LRRC27: variants seen among roughly 807,000 people sequenced by gnomAD.
LRRC27 encodes the protein leucine rich repeat containing 27.
In LRRC27, 57 loss-of-function variants were observed where a neutral mutation model predicts 55.0. The ratio of observed to expected loss-of-function variants is 1.04; its 90% CI spans 0.84 to 1.29. The LOEUF is 1.29. LRRC27 is among the 50% of genes most tolerant of loss of function. The probability of loss-of-function intolerance (pLI) is 0.00; values close to 1 mark genes in which losing one functional copy is unlikely to be tolerated. For missense variants in LRRC27, 721 were observed against 651.5 expected (o/e 1.11, Z -1.16); for synonymous variants, 278 against 251.9 (o/e 1.10, Z -0.98).
intron 3 of LRRC27, among the ~76,000 whole-genome samples, chr10:132,338,715 T>C (rs555807961): frequency 1.3e-5 from 2 of 150,148 alleles, no homozygotes; most frequent in Admixed American, 1.3e-4. Context: ...TCTTTCTTTT[T>C]TTTTTTTTTT....
intron 9 of LRRC27, 47 bp from the exon 10 acceptor site, chr10:132,365,375 TGA>T: frequency 6.2e-7 from 1 of 1,607,058 alleles, no homozygotes; most frequent in Non-Finnish European, 8.5e-7. Context: ...GTTGCTAGGA[TGA>T]GAGTAAATGT....
rs2067587238 is a variant in LRRC27 at position 132,344,616 on chromosome 10, AG to A, written c.520del (p.Glu174AsnfsTer19). ...IQRFLRMWAV[E>X]HSLPRNPTSQ... ...AGCGCTTCCTGCGGATGTGGGCAGT[AG>A]AACACTCTCTCCCCAGAAATCCAAC... On this transcript the variant is annotated frameshift_variant, in exon 5 of 11. Coordinates refer to ENST00000368614, the MANE Select transcript of LRRC27 (RefSeq NM_030626.3). LOFTEE classifies it high-confidence loss of function. 6.2e-7 allele frequency: 1 copy of A among 1,614,054 alleles called. No homozygotes were observed. The highest frequency in any genetic ancestry group is 1.7e-5 in the Admixed American group (1 of 60,004).
intron 7 of LRRC27, among the ~76,000 whole-genome samples, chr10:132,354,325 C>T (rs1208502268): frequency 6.6e-6 from 1 of 152,218 alleles, no homozygotes; most frequent in Non-Finnish European, 1.5e-5. Context: ...TCTGAGGGCC[C>T]AGACCCGGCA....
chr10:132,338,299 G>C (rs749761683), intron 3 of LRRC27, among the ~76,000 whole-genome samples: 1 of 152,172 alleles, frequency 6.6e-6, no homozygotes, highest in Non-Finnish European at 1.5e-5. Context: ...CTGGGTGACA[G>C]AGTAAGAGTC....
Position 132,351,782 on chromosome 10 carries a change from C to G in LRRC27, c.1073+29C>G, listed in dbSNP as rs763414403. The stretch of plus-strand genomic sequence containing the variant: ...AGTCCACACAGGGTGGGGGTCCGCA[C>G]AGCCCGCCCAGTGCACCCGGAACTG... On this transcript the variant is annotated intron_variant, in intron 7 of 10. Transcript: ENST00000368614. 16 of 1,584,392 alleles carry G rather than the reference C, an allele frequency of 1.0e-5. No homozygotes were observed. The South Asian group carries it at 1.3e-4, about 13-fold the overall frequency.
intron 2 of LRRC27, among the ~76,000 whole-genome samples, chr10:132,335,796 CA>C (rs1282410355): frequency 1.3e-5 from 2 of 152,172 alleles, no homozygotes; most frequent in Non-Finnish European, 2.9e-5. Flanking sequence ...CCAGTCAGCT[CA>C]GGGGCTCTTC....
chr10:132,366,793 A>C, intron 10 of LRRC27: 2 of 1,185,568 alleles, frequency 1.7e-6, no homozygotes, highest in Non-Finnish European at 2.2e-6. Flanking sequence ...CTGTCCCCAC[A>C]CCCCATCTGC....
Position 132,354,448 on chromosome 10 carries a change from C to T in LRRC27, c.1074-1342C>T, listed in dbSNP as rs540185701. On this transcript the variant is annotated intron_variant, in intron 7 of 10. Transcript: ENST00000368614. ...TCGTCCAGGAGCGCAGCGGGGCCAG[C>T]ACCACACATGGTGCTAAGTGGGGAC... Among the ~76,000 whole-genome samples the T allele has an allele frequency of 7.2e-5, 11 of 152,318 alleles. No individual in the cohort carries two copies. The South Asian group carries it at 2.3e-3, about 32-fold the overall frequency.
intron 9 of LRRC27, among the ~76,000 whole-genome samples, chr10:132,363,716 C>G (rs1164075419): frequency 1.3e-5 from 2 of 152,130 alleles, no homozygotes; most frequent in Admixed American, 6.5e-5. Flanking sequence ...AGGGCCTGGC[C>G]CCGGCCCTGC....
chr10:132,338,213 G>C (rs2138629055), intron 3 of LRRC27, among the ~76,000 whole-genome samples: 2 of 152,266 alleles, frequency 1.3e-5, no homozygotes, highest in South Asian at 4.1e-4. Context: ...CTCCTCAGGA[G>C]GTTGAGGCAG....
chr10:132,353,106 A>G, intron 7 of LRRC27: 1 of 1,491,342 alleles, frequency 6.7e-7, no homozygotes, highest in Non-Finnish European at 8.9e-7. Context: ...CCACAGCCAC[A>G]GCACCCCCGT....
intron 7 of LRRC27, among the ~76,000 whole-genome samples, chr10:132,355,445 A>G (rs2068261551): frequency 6.6e-6 from 1 of 152,086 alleles, no homozygotes; most frequent in African/African-American, 2.4e-5. Context: ...GGCACCCCCA[A>G]CCCGTCGTGC....
intron 1 of LRRC27, 85 bp downstream of exon 1, chr10:132,332,341 GT>G (rs2066817482): frequency 6.6e-6 from 1 of 152,598 alleles, no homozygotes; most frequent in Admixed American, 6.5e-5. Context: ...GTCGTGCCCT[GT>G]CGCCTAGCTC....
chr10:132,330,636 C>T (rs2066651186), upstream of LRRC27, among the ~76,000 whole-genome samples: 1 of 151,156 alleles, frequency 6.6e-6, no homozygotes, highest in Non-Finnish European at 1.5e-5. Flanking sequence ...CCCTCCCACA[C>T]AGCTGGAACT....
chr10:132,363,198 G>T lies in LRRC27; in HGVS notation c.1289+1623G>T, dbSNP rs1405472658. 1.1e-4 allele frequency among the ~76,000 whole-genome samples: 14 copies of T among 132,004 alleles called. 1 individual carries two copies. Among genetic ancestry groups the T allele is most frequent in the Admixed American group, 6.6e-4 (9 of 13,666 alleles). 86.6% of individuals were successfully genotyped at this position (132,004 alleles called of 152,430 possible). A position where few individuals can be genotyped will look rare whatever the true frequency, so the allele number is the denominator to read the frequency against. On this transcript the variant is annotated intron_variant, in intron 9 of 10. Coordinates refer to ENST00000368614, the MANE Select transcript of LRRC27 (RefSeq NM_030626.3). ...CCCTCTCACCTCACAGCTGCTCGGG[G>T]GTCCGGGGTTCACCCCTCTTACCTC...
At chr10:132,364,929 CCT>C (rs1456547593) in intron 9 of LRRC27, among the ~76,000 whole-genome samples, 1 of 145,034 alleles carries the variant, frequency 6.9e-6, no homozygotes, top group African/African-American at 2.5e-5. Context: ...TTTCTACCAC[CCT>C]GAGTCATTGT....
chr10:132,364,844 C>CACCCACACTTACAT (rs1564855245), intron 9 of LRRC27, among the ~76,000 whole-genome samples: 1 of 1,666 alleles, frequency 6.0e-4, no homozygotes, highest in Non-Finnish European at 3.0e-3. Flanking sequence ...ACGCCCACAC[C>CACCCACACTTACAT]CTGGGGCCCC....
upstream of LRRC27, chr10:132,331,769 G>T (rs376695835): frequency 3.1e-6 from 5 of 1,609,536 alleles, no homozygotes; most frequent in South Asian, 5.5e-5. Context: ...GTGCCAGGCC[G>T]GTCGCCCCTC....
At chr10:132,359,311 G>C (rs1170414959) in intron 8 of LRRC27, among the ~76,000 whole-genome samples, 3 of 152,164 alleles carry the variant, frequency 2.0e-5, no homozygotes, top group Non-Finnish European at 2.9e-5. Context: ...TAGGCATTTA[G>C]TTACACAGAA....
Sources: gnomAD v4.1 joint callset for allele counts (sites outside exome capture counted in the v4.1 genomes callset) on GRCh38, gnomAD v4.1.1 for gene constraint, MANE v1.5 for transcripts, NCBI Gene and HGNC (gene_info 2026-07-23, HGNC 2026-07-21) for gene names.